The following HAVCR1 variants were observed in gnomAD, a reference collection of about 807,000 sequenced individuals.
HAVCR1 encodes hepatitis A virus cellular receptor 1.
HAVCR1 carries 34 observed loss-of-function variants against 32.0 expected under a neutral mutation model. That is an observed-to-expected ratio of 1.06 (90% CI 0.81 to 1.42). The LOEUF (loss-of-function observed/expected upper bound fraction) is 1.42, where lower values mean the gene tolerates loss of function less well. Among genes scored for constraint, HAVCR1 ranks in the 40% most tolerant of loss-of-function variants. HAVCR1 has a pLI of 0.00. For missense variants in HAVCR1, 420 were observed against 442.3 expected (o/e 0.95, Z 0.45); for synonymous variants, 178 against 170.3 (o/e 1.05, Z -0.35).
chr5:157,032,609 TA>T (rs1754244931), intron 8 of HAVCR1, among the ~76,000 whole-genome samples: 2 of 152,356 alleles, frequency 1.3e-5, no homozygotes, highest in South Asian at 4.1e-4. Context: ...GCAATTTAGT[TA>T]TCTTGCCCTA....
chr5:157,058,419 C>A (rs572590807), intron 1 of HAVCR1: 3 of 153,946 alleles, frequency 1.9e-5, no homozygotes, highest in Non-Finnish European at 4.3e-5. Context: ...AAAAATTAGC[C>A]GGGCGTGGTC....
intron 5 of HAVCR1, 22 bp downstream of exon 5, chr5:157,049,016 T>C: frequency 5.2e-6 from 7 of 1,338,214 alleles, no homozygotes; most frequent in Non-Finnish European, 7.5e-6. Context: ...TCCCAGGTCT[T>C]CAGGAAAGAG....
intron 7 of HAVCR1, among the ~76,000 whole-genome samples, chr5:157,034,114 A>G (rs1204118277): frequency 6.6e-6 from 1 of 152,136 alleles, no homozygotes; most frequent in Non-Finnish European, 1.5e-5. Flanking sequence ...AGTGGGCCCA[A>G]GGGACCGGCG....
chr5:157,047,232 A>G (rs1467150944), intron 5 of HAVCR1, among the ~76,000 whole-genome samples: 1 of 152,022 alleles, frequency 6.6e-6, no homozygotes, highest in Non-Finnish European at 1.5e-5. Context: ...TGGGGGATGG[A>G]ATGTTGATGT....
intron 6 of HAVCR1, 32 bp from the exon 7 acceptor site, chr5:157,037,393 C>A (rs540137630): frequency 5.2e-6 from 5 of 970,300 alleles, no homozygotes; most frequent in African/African-American, 4.9e-5. Flanking sequence ...AAAAAAGCAT[C>A]TTGTTAGAAA....
chr5:157,030,318 T>C (rs1469127811), intron 8 of HAVCR1, among the ~76,000 whole-genome samples: 2 of 152,138 alleles, frequency 1.3e-5, no homozygotes, highest in African/African-American at 2.4e-5. Context: ...CAGAGAAACA[T>C]TGAATATAGT....
intron 7 of HAVCR1, 58 bp from the exon 8 acceptor site, chr5:157,032,945 A>T (rs1754263308): frequency 9.7e-7 from 1 of 1,029,562 alleles, no homozygotes. Context: ...TCTCAGCAAG[A>T]GTTTTAATCT....
At chr5:157,067,553 C>T in the HAVCR1 span, among the ~76,000 whole-genome samples, 1 of 152,122 alleles carries the variant, frequency 6.6e-6, no homozygotes, top group African/African-American at 2.4e-5. Flanking sequence ...AGTGTGTGGT[C>T]CCAACTACCT....
In HAVCR1 at chr5:157,052,643, T is replaced by A; in HGVS notation, c.391A>T (p.Thr131Ser). Residue 131 changes from threonine (T) to serine (S), a missense_variant, in exon 4 of 9, where the codon ACT becomes TCT. By Grantham distance (58) the Thr-to-Ser change is moderately conservative (BLOSUM62 1). Coordinates refer to ENST00000523175, the MANE Select transcript of HAVCR1 (RefSeq NM_001173393.3). ...SLEIVPPKVTTTPIVTTVPTV... is the reference protein window; with the variant it reads ...SLEIVPPKVTSTPIVTTVPTV... The stretch of plus-strand genomic sequence containing the variant: ...GGAACAGTTGTGACAATTGGAGTAG[T>A]CGTGACCTTGGCTGGAGTCAGAAAT... 1 of 1,613,274 alleles carries A rather than the reference T, an allele frequency of 6.2e-7. No individual in the cohort carries two copies. The highest frequency in any genetic ancestry group is 8.5e-7 in the Non-Finnish European group (1 of 1,179,222).
intron 6 of HAVCR1, among the ~76,000 whole-genome samples, chr5:157,041,220 G>A (rs574877711): frequency 7.9e-5 from 12 of 152,228 alleles, no homozygotes; most frequent in African/African-American, 2.4e-4. Context: ...ATCCTGGGCC[G>A]GGTACGGTGG....
intron 6 of HAVCR1, 117 bp from the exon 7 acceptor site, chr5:157,037,478 G>C (rs1343319165): frequency 1.6e-6 from 1 of 619,334 alleles, no homozygotes; most frequent in East Asian, 2.7e-5. Flanking sequence ...GGGACTTCTG[G>C]AACATAAGGG....
the HAVCR1 span, among the ~76,000 whole-genome samples, chr5:157,068,077 G>C: frequency 6.6e-6 from 1 of 152,038 alleles, no homozygotes; most frequent in African/African-American, 2.4e-5. Flanking sequence ...TTCCAGACCA[G>C]CCTGGCCAAC....
the HAVCR1 span, among the ~76,000 whole-genome samples, chr5:157,064,352 A>AAAAAG: frequency 6.4e-4 from 93 of 145,192 alleles, no homozygotes; most frequent in South Asian, 1.3e-3. Context: ...AAAAAAAAAA[A>AAAAAG]AAAGAAAGAA....
intron 8 of HAVCR1, among the ~76,000 whole-genome samples, chr5:157,030,366 G>A (rs1217390215): frequency 1.3e-5 from 2 of 152,204 alleles, no homozygotes; most frequent in Non-Finnish European, 2.9e-5. Context: ...CTGGATCATA[G>A]TGTTAAAAAT....
rs565866243 is a variant in HAVCR1, at chr5:157,033,650, A to G, written c.953-763T>C. ...AGACTAGAGCTGACAACACATCCAGAGTCCAGAGGAATTTGTCCTGCCCTA... is the reference window on the plus strand; with the variant it reads ...AGACTAGAGCTGACAACACATCCAGGGTCCAGAGGAATTTGTCCTGCCCTA... On this transcript the variant is annotated intron_variant, in intron 7 of 8. Coordinates refer to ENST00000523175, the MANE Select transcript of HAVCR1 (RefSeq NM_001173393.3). 5.9e-3 allele frequency among the ~76,000 whole-genome samples: 905 copies of G among 152,220 alleles called. 7 individuals are homozygous for G. Among genetic ancestry groups the G allele is most frequent in the African/African-American group, 0.021 (877 of 41,542 alleles).
At chr5:157,064,115 A>G (rs1756549403), upstream of HAVCR1, among the ~76,000 whole-genome samples, 4 of 152,324 alleles carry the variant, frequency 2.6e-5, no homozygotes, top group South Asian at 8.3e-4. Flanking sequence ...GAGAAGGACC[A>G]CTGTGGTTGC....
At chr5:157,038,856 A>G (rs72805151) in intron 6 of HAVCR1, among the ~76,000 whole-genome samples, 32,552 of 152,192 alleles carry the variant, frequency 0.21, 4,148 homozygotes, top group Admixed American at 0.32. Flanking sequence ...CAGGTCACGG[A>G]CAGTGGCTCA....
chr5:157,051,684 C>T (rs1274582341), intron 4 of HAVCR1, among the ~76,000 whole-genome samples: 2 of 152,158 alleles, frequency 1.3e-5, no homozygotes, highest in Admixed American at 6.5e-5. Context: ...GCATGCACCA[C>T]CATGTAGAGA....
chr5:157,033,394 C>T (rs1754290886), intron 7 of HAVCR1, among the ~76,000 whole-genome samples: 2 of 152,006 alleles, frequency 1.3e-5, no homozygotes, highest in Admixed American at 6.6e-5. Context: ...GCTCAGAATA[C>T]AATACCCTCA....
Sources: gnomAD v4.1 joint callset for allele counts (sites outside exome capture counted in the v4.1 genomes callset) on GRCh38, gnomAD v4.1.1 for gene constraint, MANE v1.5 for transcripts, NCBI Gene and HGNC (gene_info 2026-07-23, HGNC 2026-07-21) for gene names.